NFIX: variants seen among roughly 807,000 people sequenced by gnomAD.
NFIX encodes nuclear factor I X, also known as nuclear factor 1 X-type.
In NFIX, 2 loss-of-function variants were observed where a neutral mutation model predicts 53.3. That is an observed-to-expected ratio of 0.04 (90% CI 0.02 to 0.12). NFIX has a LOEUF of 0.12. Among genes scored for constraint, NFIX ranks in the 10% least tolerant of loss-of-function variants. The probability of loss-of-function intolerance (pLI) is 1.00; values close to 1 mark genes in which losing one functional copy is unlikely to be tolerated. For synonymous variants in NFIX, 244 were observed against 289.0 expected, an observed-to-expected ratio of 0.84 and a Z score of 1.58; for missense variants, 310 against 674.5, an observed-to-expected ratio of 0.46 and a Z score of 5.99.
chr19:13,004,632 T>C (rs943048515), intron 1 of NFIX, among the ~76,000 whole-genome samples: 18 of 152,020 alleles, frequency 1.2e-4, no homozygotes, highest in African/African-American at 4.3e-4. Flanking sequence ...CTTCTCAGGA[T>C]AGAATTGGGA....
At chr19:13,050,271 C>T (rs2015248555) in intron 2 of NFIX, among the ~76,000 whole-genome samples, 1 of 152,218 alleles carries the variant, frequency 6.6e-6, no homozygotes, top group South Asian at 2.1e-4. Context: ...GTGTGCTGTG[C>T]TATTCCTGCC....
rs1373657278 is a variant in NFIX at position 13,096,441 on chromosome 19, G to C, written c.*1792G>C. On this transcript the variant is annotated 3_prime_UTR_variant, in exon 11 of 11. Transcript: ENST00000592199. ...GCAGGCGAACGGTGCCTGCTACCCAGCTGGAAGCCACAAGGTGGCTGGCTC... is the reference window on the plus strand; with the variant it reads ...GCAGGCGAACGGTGCCTGCTACCCACCTGGAAGCCACAAGGTGGCTGGCTC... 1.3e-5 allele frequency: 2 copies of C among 152,252 alleles called. No homozygotes were observed. Among genetic ancestry groups the C allele is most frequent in the Non-Finnish European group, 2.9e-5 (2 of 68,074 alleles). 9.4% of individuals were successfully genotyped at this position (152,252 alleles called of 1,614,324 possible).
In NFIX at chr19:13,094,448, C is replaced by T. The variant is rs2061138603; in HGVS notation, c.1495-187C>T. ...AGAGTCTCTGAGGGGGCGGGGTTCT[C>T]GCAGGAGGGAGGGAGAGAATGGGGA... On this transcript the variant is annotated intron_variant, in intron 10 of 10. Coordinates refer to ENST00000592199, the MANE Select transcript of NFIX (RefSeq NM_001365902.3). This position sits in a 1 kb window ranked among gnomAD's most constrained non-coding sequence, Gnocchi z 4.3. Among the ~76,000 whole-genome samples, 1 of 152,164 alleles carries T rather than the reference C, an allele frequency of 6.6e-6. No individual in the cohort carries two copies. The highest frequency in any genetic ancestry group is 1.5e-5 in the Non-Finnish European group (1 of 68,020).
intron 8 of NFIX, among the ~76,000 whole-genome samples, chr19:13,083,241 C>A (rs999051266): frequency 4.6e-5 from 7 of 152,298 alleles, no homozygotes; most frequent in Admixed American, 2.0e-4. Context: ...CAGCAGAGTT[C>A]ACGGGGAGCT....
chr19:13,029,352 C>A (rs2013619628), intron 2 of NFIX, among the ~76,000 whole-genome samples: 1 of 152,144 alleles, frequency 6.6e-6, no homozygotes, highest in Admixed American at 6.5e-5. Flanking sequence ...TCATCAGATA[C>A]TGGTTAATGT....
chr19:13,030,702 A>G (rs1257704668), intron 2 of NFIX, among the ~76,000 whole-genome samples: 1 of 152,168 alleles, frequency 6.6e-6, no homozygotes, highest in Non-Finnish European at 1.5e-5. Context: ...CCTCTGATTC[A>G]TAAAATTTCT....
chr19:13,092,004 G>A (rs2018173201), intron 10 of NFIX, among the ~76,000 whole-genome samples: 1 of 152,196 alleles, frequency 6.6e-6, no homozygotes, highest in Non-Finnish European at 1.5e-5. Context: ...GAGTCCCAGC[G>A]GGGGTCCAGG....
At position 13,009,426 on chromosome 19, in the gene NFIX, G is replaced by A. The variant is rs2012208214; in HGVS notation, c.27+13562G>A. On this transcript the variant is annotated intron_variant, in intron 1 of 10. Coordinates refer to ENST00000592199, the MANE Select transcript of NFIX (RefSeq NM_001365902.3). This position sits in a 1 kb window ranked among gnomAD's most constrained non-coding sequence, Gnocchi z 4.7. ...AGAGGCCGCAAGGTCAAGTGCCAAG[G>A]TCATGGGGCTAGAAGCAGGGTGGTG... Among the ~76,000 whole-genome samples the A allele has an allele frequency of 6.6e-6, 1 of 152,192 alleles. No individual in the cohort carries two copies. The highest frequency in any genetic ancestry group is 1.5e-5 in the Non-Finnish European group (1 of 68,042).
rs576284755 is a variant in NFIX, at chr19:13,053,829, G to A, written c.560-19218G>A. 1.6e-4 allele frequency among the ~76,000 whole-genome samples: 25 copies of A among 152,210 alleles called. 1 individual carries two copies. In the South Asian group the frequency reaches 3.9e-3, roughly 24 times the overall value. On this transcript the variant is annotated intron_variant, in intron 2 of 10. Transcript: ENST00000592199. ...CCACTGCTGGGGTTGAGGTGTGGGG[G>A]AACAGACAGGAGGGGGTGGTGTGTG...
chr19:13,050,996 G>A (rs1295524677), intron 2 of NFIX, among the ~76,000 whole-genome samples: 5 of 152,200 alleles, frequency 3.3e-5, no homozygotes, highest in Non-Finnish European at 7.4e-5. Flanking sequence ...CCCCAAAGCA[G>A]CCTCCAGGTC....
rs2017249373 is a variant in NFIX, at chr19:13,078,496, G to A, written c.956-117G>A. 2 of 1,294,528 alleles carry A rather than the reference G, an allele frequency of 1.5e-6. No individual in the cohort carries two copies. Among genetic ancestry groups the A allele is most frequent in the South Asian group, 1.4e-5 (1 of 69,688 alleles). The allele number at this position is 1,294,528 out of a possible 1,614,324, so 80.2% of individuals were successfully genotyped here. A position where few individuals can be genotyped will look rare whatever the true frequency, so the allele number is the denominator to read the frequency against. ...GAGCAGCAGGAGGGAGCACAGTGGA[G>A]GAAGGGGCAGTGGGGAGGGGCTGAG... On this transcript the variant is annotated intron_variant, in intron 6 of 10. Transcript: ENST00000592199. The surrounding 1 kb of genome is among the most constrained non-coding windows in gnomAD (Gnocchi z 4.7).
Position 13,036,902 on chromosome 19 carries a change from A to G in NFIX, c.559+11350A>G, listed in dbSNP as rs1599761063. Among the ~76,000 whole-genome samples, 2 of 152,238 alleles carry G rather than the reference A, an allele frequency of 1.3e-5. No individual in the cohort carries two copies. The highest frequency in any genetic ancestry group is 1.3e-4 in the Admixed American group (2 of 15,290). On this transcript the variant is annotated intron_variant, in intron 2 of 10. Coordinates refer to ENST00000592199, the MANE Select transcript of NFIX (RefSeq NM_001365902.3). The surrounding 1 kb of genome is among the most constrained non-coding windows in gnomAD (Gnocchi z 4.7). ...GAGGGACCTGCGGCCCCACCCGGAC[A>G]CATGACATCATTGTTTCCTTAGTAA...
intron 2 of NFIX, among the ~76,000 whole-genome samples, chr19:13,056,148 G>A (rs1000769451): frequency 1.3e-5 from 2 of 152,186 alleles, no homozygotes; most frequent in African/African-American, 2.4e-5. Context: ...CTTTGCTGCC[G>A]CAGTACCCGC....
At position 13,043,639 on chromosome 19, in the gene NFIX, A is replaced by G. The variant is rs1306710199; in HGVS notation, c.559+18087A>G. Among the ~76,000 whole-genome samples the G allele has an allele frequency of 1.3e-5, 2 of 152,140 alleles. No individual in the cohort carries two copies. The highest frequency in any genetic ancestry group is 2.9e-5 in the Non-Finnish European group (2 of 68,016). On this transcript the variant is annotated intron_variant, in intron 2 of 10. Coordinates refer to ENST00000592199, the MANE Select transcript of NFIX (RefSeq NM_001365902.3). The surrounding 1 kb of genome is among the most constrained non-coding windows in gnomAD (Gnocchi z 4.0). The stretch of plus-strand genomic sequence containing the variant: ...TGGACTGTGGACTTTGACATCACTC[A>G]TAGACACCCCCTCTCTCACCCTTGC...
At chr19:13,079,467 T>C (rs1015222189) in intron 7 of NFIX, among the ~76,000 whole-genome samples, 8 of 152,164 alleles carry the variant, frequency 5.3e-5, no homozygotes, top group Admixed American at 1.3e-4. Context: ...CTCCTTCACT[T>C]TCTTCTTCCC....
At chr19:13,050,718 C>T (rs1599787863) in intron 2 of NFIX, among the ~76,000 whole-genome samples, 1 of 152,138 alleles carries the variant, frequency 6.6e-6, no homozygotes, top group Non-Finnish European at 1.5e-5. Flanking sequence ...TCGGTGGCCT[C>T]ATATTTGCTT....
chr19:13,050,312 G>C (rs1000587889), intron 2 of NFIX, among the ~76,000 whole-genome samples: 3 of 152,254 alleles, frequency 2.0e-5, no homozygotes, highest in African/African-American at 4.8e-5. Context: ...TATCTGGCAT[G>C]GTCCCTTCCC....
chr19:13,078,565 A>G lies in NFIX; in HGVS notation c.956-48A>G, dbSNP rs779987172. 2 of 1,561,806 alleles carry G rather than the reference A, an allele frequency of 1.3e-6. No homozygotes were observed. The highest frequency in any genetic ancestry group is 1.7e-6 in the Non-Finnish European group (2 of 1,151,184). The stretch of plus-strand genomic sequence containing the variant: ...CTGGCTTCCCGCCTTCCCCGCACCC[A>G]CCCCAGCCCAGCTAAACCTGCCCTG... On this transcript the variant is annotated intron_variant, in intron 6 of 10. Transcript: ENST00000592199. This position sits in a 1 kb window ranked among gnomAD's most constrained non-coding sequence, Gnocchi z 4.7.
rs1312727914 is a variant in NFIX at position 13,021,442 on chromosome 19, C to T, written c.28-3579C>T. Among the ~76,000 whole-genome samples, 1 of 152,232 alleles carries T rather than the reference C, an allele frequency of 6.6e-6. No individual in the cohort carries two copies. The highest frequency in any genetic ancestry group is 1.9e-4 in the East Asian group (1 of 5,172). The stretch of plus-strand genomic sequence containing the variant: ...GGGCTGGATGTTTTATTTTGGCATG[C>T]CCCAGGTGCTCTTCCGGGAACCTTT... On this transcript the variant is annotated intron_variant, in intron 1 of 10. Coordinates refer to ENST00000592199, the MANE Select transcript of NFIX (RefSeq NM_001365902.3). The surrounding 1 kb of genome is among the most constrained non-coding windows in gnomAD (Gnocchi z 4.2).
Sources: gnomAD v4.1 joint callset for allele counts (sites outside exome capture counted in the v4.1 genomes callset) on GRCh38, gnomAD v4.1.1 for gene constraint, Gnocchi (gnomAD v3.1) non-coding constraint, MANE v1.5 for transcripts, NCBI Gene and HGNC (gene_info 2026-07-23, HGNC 2026-07-21) for gene names.